SPATA3: variants seen among roughly 807,000 people sequenced by gnomAD.
The protein encoded by SPATA3 is spermatogenesis-associated protein 3.
SPATA3 carries 6 observed loss-of-function variants against 5.7 expected under a neutral mutation model. The ratio of observed to expected loss-of-function variants is 1.06; its 90% CI spans 0.58 to 2.09. SPATA3 has a LOEUF of 2.09. SPATA3 is among the 30% of genes most tolerant of loss of function. SPATA3 has a pLI of 0.00. For missense variants in SPATA3, 155 were observed against 130.4 expected, an observed-to-expected ratio of 1.19 and a Z score of -0.92; for synonymous variants, 44 against 48.4, an observed-to-expected ratio of 0.91 and a Z score of 0.37.
At chr2:231,015,257 C>CTTTTTT (rs35102459) in intron 6 of SPATA3, among the ~76,000 whole-genome samples, 58 of 94,098 alleles carry the variant, frequency 6.2e-4, no homozygotes, top group African/African-American at 1.3e-3. Flanking sequence ...ATCGTTTTGG[C>CTTTTTT]TTTTTTTTTT....
chr2:231,010,419 G>C (rs182485390), downstream of SPATA3, among the ~76,000 whole-genome samples: 1 of 152,344 alleles, frequency 6.6e-6, no homozygotes, highest in Admixed American at 6.5e-5. Context: ...CTGGGGCATG[G>C]GGCAAGATCT....
At chr2:231,005,184 C>A (rs1253666762), downstream of SPATA3, among the ~76,000 whole-genome samples, 1 of 94,346 alleles carries the variant, frequency 1.1e-5, no homozygotes, top group Non-Finnish European at 2.2e-5. Flanking sequence ...ATCATCATCA[C>A]CATCACCATC....
chr2:231,017,696 A>T (rs1265146805), intron 6 of SPATA3, among the ~76,000 whole-genome samples: 1 of 152,200 alleles, frequency 6.6e-6, no homozygotes, highest in Non-Finnish European at 1.5e-5. Context: ...CCACCCAAAA[A>T]TATTCCTTGG....
At chr2:231,011,071 T>TAAAAAAAAAAAAAAAA (rs750897782), downstream of SPATA3, among the ~76,000 whole-genome samples, 1 of 22,160 alleles carries the variant, frequency 4.5e-5, no homozygotes, top group African/African-American at 3.7e-4. Flanking sequence ...AGACCCTGTC[T>TAAAAAAAAAAAAAAAA]CAAAAAAAAA....
intron 6 of SPATA3, among the ~76,000 whole-genome samples, chr2:231,014,967 C>T (rs113119592): frequency 9.2e-5 from 14 of 152,214 alleles, no homozygotes; most frequent in African/African-American, 3.4e-4. Flanking sequence ...AAAGGGAGCA[C>T]CAGCAAACCC....
chr2:231,000,141 G>T (rs1357350563), intron 1 of SPATA3, among the ~76,000 whole-genome samples: 1 of 152,144 alleles, frequency 6.6e-6, no homozygotes, highest in Non-Finnish European at 1.5e-5. Context: ...CATGCGGTCA[G>T]TCTTCTCTTC....
chr2:231,019,092 G>A (rs1407643614), intron 6 of SPATA3, among the ~76,000 whole-genome samples: 2 of 148,072 alleles, frequency 1.4e-5, no homozygotes, highest in East Asian at 3.9e-4. Context: ...TCAGCCCCCT[G>A]AGTAGCTGCG....
chr2:231,019,191 G>A (rs78450704), intron 6 of SPATA3, among the ~76,000 whole-genome samples: 38 of 150,762 alleles, frequency 2.5e-4, no homozygotes, highest in South Asian at 1.3e-3. Context: ...GGATGGTCTC[G>A]ATCTCCCGAC....
At chr2:230,997,349 C>T (rs1165586202) in intron 1 of SPATA3, among the ~76,000 whole-genome samples, 2 of 152,188 alleles carry the variant, frequency 1.3e-5, no homozygotes, top group East Asian at 3.8e-4. Context: ...GATTGTGAGG[C>T]CTCCCCAGCC....
chr2:231,000,684 C>T lies in SPATA3; in HGVS notation c.962+147C>T, dbSNP rs1692318559. The T allele has an allele frequency of 3.3e-6, 3 of 922,552 alleles. No homozygotes were observed. In the South Asian group the frequency reaches 8.3e-5, roughly 26 times the overall value. The allele number at this position is 922,552 out of a possible 1,614,324, so 57.1% of individuals were successfully genotyped here. ...TTTCTTTCCCTCTTTGCTTTGCCCACTTCCTGGACGTTGGCAGGCAGGGCC... is the reference window on the plus strand; with the variant it reads ...TTTCTTTCCCTCTTTGCTTTGCCCATTTCCTGGACGTTGGCAGGCAGGGCC... On this transcript the variant is annotated intron_variant, in intron 2 of 2. Coordinates refer to ENST00000645363, the Ensembl canonical transcript of SPATA3.
chr2:231,005,475 T>C (rs866033361), downstream of SPATA3, among the ~76,000 whole-genome samples: 70 of 15,632 alleles, frequency 4.5e-3, no homozygotes, highest in East Asian at 6.1e-3. Flanking sequence ...ACCACCATCA[T>C]CACCACCACC....
At chr2:231,007,517 A>G (rs555346622), downstream of SPATA3, among the ~76,000 whole-genome samples, 1 of 152,330 alleles carries the variant, frequency 6.6e-6, no homozygotes, top group South Asian at 2.1e-4. Context: ...GGGATTATAA[A>G]GCTTAACTCA....
intron 6 of SPATA3, among the ~76,000 whole-genome samples, chr2:231,015,250 G>GT (rs1418499496): frequency 7.9e-6 from 1 of 126,646 alleles, no homozygotes; most frequent in African/African-American, 3.2e-5. Context: ...GCTAACTATC[G>GT]TTTTGGCTTT....
exon 2 of SPATA3, chr2:231,000,484 G>A: frequency 1.3e-6 from 2 of 1,549,528 alleles, no homozygotes; most frequent in South Asian, 1.2e-5. Context: ...TTCTGCCTCG[G>A]GACTGGCAGA....
At chr2:231,012,195 T>C (rs1163929189), downstream of SPATA3, among the ~76,000 whole-genome samples, 1 of 152,150 alleles carries the variant, frequency 6.6e-6, no homozygotes, top group Non-Finnish European at 1.5e-5. Context: ...AGATCCAGGC[T>C]CAGACTCCTC....
downstream of SPATA3, among the ~76,000 whole-genome samples, chr2:231,005,388 CCATCATCACCACCACCACCAGTATCAG>C (rs1692562561): frequency 3.5e-5 from 3 of 85,498 alleles, no homozygotes; most frequent in Admixed American, 1.2e-4. Context: ...ATCACCACCA[CCATCATCACCACCACCACCAGTATCAG>C]CATCATCACC....
intron 1 of SPATA3, 119 bp from the exon 2 acceptor site, chr2:231,000,247 C>T: frequency 1.0e-6 from 1 of 955,868 alleles, no homozygotes; most frequent in East Asian, 3.0e-5. Flanking sequence ...CAGCGTTCGC[C>T]CTGGTAATCC....
chr2:231,010,858 A>G (rs897373142), downstream of SPATA3, among the ~76,000 whole-genome samples: 2 of 151,628 alleles, frequency 1.3e-5, no homozygotes, highest in South Asian at 2.1e-4. Context: ...ACTTGAGCCC[A>G]GGAATTGGAG....
downstream of SPATA3, among the ~76,000 whole-genome samples, chr2:231,005,055 CCAT>C (rs1692501333): frequency 7.4e-5 from 7 of 94,262 alleles, no homozygotes; most frequent in African/African-American, 2.5e-4. Flanking sequence ...ACCACCACCA[CCAT>C]CACCATCATC....
Sources: allele counts gnomAD v4.1 joint callset (sites outside exome capture counted in the v4.1 genomes callset), GRCh38; gene constraint gnomAD v4.1.1; transcripts MANE v1.5; gene names NCBI Gene and HGNC (gene_info 2026-07-23, HGNC 2026-07-21).